CSRNP3: variants seen among roughly 807,000 people sequenced by gnomAD.
CSRNP3 encodes the protein cysteine/serine-rich nuclear protein 3.
CSRNP3 carries 12 observed loss-of-function variants against 48.0 expected under a neutral mutation model. That is an observed-to-expected ratio of 0.25 (90% CI 0.16 to 0.41). The LOEUF is 0.41. Among genes scored for constraint, CSRNP3 ranks in the 10% least tolerant of loss-of-function variants. CSRNP3 has a pLI of 1.00. For synonymous variants in CSRNP3, 263 were observed against 269.7 expected, an observed-to-expected ratio of 0.98 and a Z score of 0.24; for missense variants, 580 against 724.4, an observed-to-expected ratio of 0.80 and a Z score of 2.29.
At chr2:165,534,090 A>G (rs548783515) in intron 3 of CSRNP3, among the ~76,000 whole-genome samples, 228 of 152,176 alleles carry the variant, frequency 1.5e-3, no homozygotes, top group Non-Finnish European at 2.7e-3. Flanking sequence ...GAAATTTATC[A>G]TCTCATCAAA....
At chr2:165,499,771 C>T (rs955328737) in intron 2 of CSRNP3, among the ~76,000 whole-genome samples, 1 of 151,916 alleles carries the variant, frequency 6.6e-6, no homozygotes, top group Non-Finnish European at 1.5e-5. Context: ...CAAAAACCAG[C>T]ACATAAAAAC....
At chr2:165,485,427 A>G (rs1263712224) in intron 1 of CSRNP3, among the ~76,000 whole-genome samples, 1 of 152,258 alleles carries the variant, frequency 6.6e-6, no homozygotes, top group Non-Finnish European at 1.5e-5. Flanking sequence ...TAAAAAATCA[A>G]CAATAGCTTT....
rs185937609 is a variant in CSRNP3 at position 165,553,787 on chromosome 2, G to A, written c.-24+35826G>A. 2.0e-5 allele frequency among the ~76,000 whole-genome samples: 3 copies of A among 152,138 alleles called. No individual in the cohort carries two copies. In the East Asian group the frequency reaches 5.8e-4, roughly 29 times the overall value. ...TCCCATTTCTTGGTGGCTACCCAAA[G>A]ACACTGCAGCAGATGCCTCACTGTC... On this transcript the variant is annotated intron_variant, in intron 3 of 6. Coordinates refer to ENST00000651982, the MANE Select transcript of CSRNP3 (RefSeq NM_001172173.2).
chr2:165,539,087 C>T (rs1479619255), intron 3 of CSRNP3, among the ~76,000 whole-genome samples: 5 of 151,922 alleles, frequency 3.3e-5, no homozygotes, highest in Non-Finnish European at 5.9e-5. Flanking sequence ...TAAGTCTTAT[C>T]GTTTTCTTTA....
At chr2:165,542,406 G>A (rs1024262678) in intron 3 of CSRNP3, among the ~76,000 whole-genome samples, 3 of 152,120 alleles carry the variant, frequency 2.0e-5, no homozygotes, top group Admixed American at 6.6e-5. Flanking sequence ...ATGTCTGTAC[G>A]TGTGTACGTA....
chr2:165,583,822 C>T (rs1685585632), intron 3 of CSRNP3, among the ~76,000 whole-genome samples: 1 of 152,104 alleles, frequency 6.6e-6, no homozygotes, highest in Non-Finnish European at 1.5e-5. Context: ...CAAACACAAG[C>T]ATGTACAACT....
chr2:165,508,039 A>G (rs1684452514), intron 2 of CSRNP3, among the ~76,000 whole-genome samples: 1 of 152,000 alleles, frequency 6.6e-6, no homozygotes, highest in Non-Finnish European at 1.5e-5. Flanking sequence ...TTGATTAACT[A>G]AAAGTTGAGC....
chr2:165,660,956 CAT>C, intron 5 of CSRNP3, among the ~76,000 whole-genome samples: 1 of 152,278 alleles, frequency 6.6e-6, no homozygotes, highest in South Asian at 2.1e-4. Context: ...TTCAGAAACA[CAT>C]GTCACACAAA....
intron 2 of CSRNP3, among the ~76,000 whole-genome samples, chr2:165,516,053 G>A (rs918338816): frequency 7.9e-5 from 12 of 151,912 alleles, no homozygotes; most frequent in African/African-American, 2.7e-4. Context: ...TGATCTGCCC[G>A]CCTTGCCCTC....
chr2:165,564,167 A>G lies in CSRNP3; in HGVS notation c.-23-30876A>G, dbSNP rs191271993. 5.3e-5 allele frequency among the ~76,000 whole-genome samples: 8 copies of G among 152,262 alleles called. No homozygotes were observed. The South Asian group carries it at 8.3e-4, about 16-fold the overall frequency. ...AATTTTCAAAGAAATCTGTTCATCAATCAAAGCAATCAAGTCTTTAGGGAT... is the reference window on the plus strand; with the variant it reads ...AATTTTCAAAGAAATCTGTTCATCAGTCAAAGCAATCAAGTCTTTAGGGAT... On this transcript the variant is annotated intron_variant, in intron 3 of 6. Coordinates refer to ENST00000651982, the MANE Select transcript of CSRNP3 (RefSeq NM_001172173.2).
At chr2:165,517,723 A>G (rs1459945913) in intron 2 of CSRNP3, 150 bp from the exon 3 acceptor site, 1 of 152,330 alleles carries the variant, frequency 6.6e-6, no homozygotes, top group Non-Finnish European at 1.5e-5. Context: ...ATAGCATATG[A>G]TTATTCAGTT....
At chr2:165,674,446 A>G (rs958707384) in intron 5 of CSRNP3, among the ~76,000 whole-genome samples, 3 of 151,878 alleles carry the variant, frequency 2.0e-5, no homozygotes, top group African/African-American at 7.3e-5. Flanking sequence ...AACGACAAAC[A>G]CAACCAGTCA....
chr2:165,506,793 C>G (rs1449174162), intron 2 of CSRNP3, among the ~76,000 whole-genome samples: 1 of 152,134 alleles, frequency 6.6e-6, no homozygotes, highest in East Asian at 1.9e-4. Flanking sequence ...GACTGACAAC[C>G]CTAGCCTGGG....
chr2:165,548,181 A>G (rs1685055434), intron 3 of CSRNP3, among the ~76,000 whole-genome samples: 1 of 152,108 alleles, frequency 6.6e-6, no homozygotes, highest in Non-Finnish European at 1.5e-5. Context: ...ACTACTTAAG[A>G]AATAGTGAGG....
At chr2:165,480,563 A>T (rs1684026777) in intron 1 of CSRNP3, among the ~76,000 whole-genome samples, 1 of 151,914 alleles carries the variant, frequency 6.6e-6, no homozygotes, top group Admixed American at 6.6e-5. Context: ...AAACAGTTTT[A>T]AAAAATAGCA....
chr2:165,604,387 TAAAGTAAA>T (rs1248477348), intron 4 of CSRNP3, among the ~76,000 whole-genome samples: 1 of 152,172 alleles, frequency 6.6e-6, no homozygotes, highest in African/African-American at 2.4e-5. Context: ...CTAAGCCTTA[TAAAGTAAA>T]AAAGAAAAAA....
At chr2:165,676,185 A>G (rs929509804) in intron 5 of CSRNP3, 127 bp from the exon 6 acceptor site, 2 of 728,416 alleles carry the variant, frequency 2.7e-6, no homozygotes, top group Non-Finnish European at 4.7e-6. Context: ...TAAAAAAATG[A>G]TCTAACAAAC....
chr2:165,527,199 CTTT>C (rs535826285), intron 3 of CSRNP3, among the ~76,000 whole-genome samples: 23 of 87,272 alleles, frequency 2.6e-4, no homozygotes, highest in Non-Finnish European at 4.3e-4. Context: ...GCTGTTTGTA[CTTT>C]TTTTTTTTTT....
intron 2 of CSRNP3, among the ~76,000 whole-genome samples, chr2:165,511,574 T>A (rs150719416): frequency 6.6e-6 from 1 of 152,254 alleles, no homozygotes; most frequent in Non-Finnish European, 1.5e-5. Context: ...AAATGCCAAG[T>A]GTATAGAGGA....
Sources: allele counts gnomAD v4.1 joint callset (sites outside exome capture counted in the v4.1 genomes callset), GRCh38; gene constraint gnomAD v4.1.1; transcripts MANE v1.5; gene names NCBI Gene and HGNC (gene_info 2026-07-23, HGNC 2026-07-21).